NPAS3: variants seen among roughly 807,000 people sequenced by gnomAD.
NPAS3 encodes neuronal PAS domain-containing protein 3.
A neutral mutation model predicts 73.1 loss-of-function variants in NPAS3; 14 were observed. The ratio of observed to expected loss-of-function variants is 0.19; its 90% CI spans 0.13 to 0.30. The LOEUF is 0.30. NPAS3 is among the 10% of genes least tolerant of loss of function. The pLI is 1.00. For synonymous variants in NPAS3, 620 were observed against 541.5 expected (o/e 1.14, Z -2.01); for missense variants, 1,096 against 1,250.0 (o/e 0.88, Z 1.86).
At chr14:33,173,919 G>A (rs1421053141) in intron 2 of NPAS3, among the ~76,000 whole-genome samples, 1 of 152,176 alleles carries the variant, frequency 6.6e-6, no homozygotes. Context: ...ATTGGGAAAT[G>A]CTTTTTGATG....
At chr14:33,345,560 C>G (rs1447319635) in intron 3 of NPAS3, among the ~76,000 whole-genome samples, 3 of 152,180 alleles carry the variant, frequency 2.0e-5, no homozygotes, top group African/African-American at 7.2e-5. Context: ...GTATCTTTTA[C>G]TTTAGAGTGC....
intron 2 of NPAS3, among the ~76,000 whole-genome samples, chr14:33,148,977 C>T (rs1002921102): frequency 3.9e-5 from 6 of 152,010 alleles, no homozygotes; most frequent in Admixed American, 6.6e-5. Context: ...GGATACCCCG[C>T]GAGCCACCGG....
At chr14:32,959,942 A>T (rs1182135521) in intron 1 of NPAS3, among the ~76,000 whole-genome samples, 1 of 151,698 alleles carries the variant, frequency 6.6e-6, no homozygotes, top group South Asian at 2.1e-4. Context: ...CGTAAGAGAC[A>T]CGTGATATCT....
At chr14:33,636,965 A>C (rs2058538831) in intron 5 of NPAS3, among the ~76,000 whole-genome samples, 1 of 152,014 alleles carries the variant, frequency 6.6e-6, no homozygotes, top group Non-Finnish European at 1.5e-5. Context: ...GAATTGGTCT[A>C]TCTGCTCTTC....
chr14:33,145,360 G>A (rs1368212005), intron 2 of NPAS3, among the ~76,000 whole-genome samples: 1 of 152,178 alleles, frequency 6.6e-6, no homozygotes, highest in Non-Finnish European at 1.5e-5. Flanking sequence ...AAGTTAGAAA[G>A]TTACAAAATC....
intron 3 of NPAS3, among the ~76,000 whole-genome samples, chr14:33,249,460 T>C (rs2048503485): frequency 6.6e-6 from 1 of 152,104 alleles, no homozygotes; most frequent in African/African-American, 2.4e-5. Context: ...ATTAGAATTA[T>C]GTGCCATTTT....
At chr14:33,008,897 C>A (rs529816444) in intron 1 of NPAS3, among the ~76,000 whole-genome samples, 9 of 152,216 alleles carry the variant, frequency 5.9e-5, no homozygotes, top group African/African-American at 2.2e-4. Flanking sequence ...GAATTTATAC[C>A]TGTGCTTGTG....
intron 2 of NPAS3, among the ~76,000 whole-genome samples, chr14:33,098,428 A>G (rs1390890292): frequency 6.6e-6 from 1 of 152,196 alleles, no homozygotes; most frequent in African/African-American, 2.4e-5. Flanking sequence ...AATACCATAT[A>G]TTGATTACCT....
intron 5 of NPAS3, among the ~76,000 whole-genome samples, chr14:33,591,514 C>T (rs563963418): frequency 9.2e-5 from 14 of 152,304 alleles, no homozygotes; most frequent in Admixed American, 9.2e-4. Context: ...TGACTACCAT[C>T]CAACCCCTAA....
At chr14:32,957,473 G>A (rs1490474420) in intron 1 of NPAS3, among the ~76,000 whole-genome samples, 5 of 151,072 alleles carry the variant, frequency 3.3e-5, no homozygotes, top group Admixed American at 6.6e-5. Context: ...CTGGGTTCAC[G>A]CCATTCTCCT....
At chr14:33,703,234 T>A (rs957601233) in intron 6 of NPAS3, among the ~76,000 whole-genome samples, 2 of 152,070 alleles carry the variant, frequency 1.3e-5, no homozygotes, top group Admixed American at 1.3e-4. Context: ...ATTCCCATGA[T>A]CCAATCACTT....
chr14:33,801,974 T>C (rs2063724817), downstream of NPAS3: 1 of 152,082 alleles, frequency 6.6e-6, no homozygotes, highest in Admixed American at 6.5e-5. Flanking sequence ...ATTTTTTACC[T>C]CCCAACTAAC....
At chr14:33,138,636 T>A (rs1227058416) in intron 2 of NPAS3, among the ~76,000 whole-genome samples, 1 of 152,152 alleles carries the variant, frequency 6.6e-6, no homozygotes, top group Non-Finnish European at 1.5e-5. Context: ...TCCAACAATT[T>A]TTTCCATCAA....
At chr14:33,232,250 G>T (rs991154878) in intron 3 of NPAS3, among the ~76,000 whole-genome samples, 10 of 152,130 alleles carry the variant, frequency 6.6e-5, no homozygotes, top group African/African-American at 1.7e-4. Flanking sequence ...AAGTTGCTGG[G>T]CCAGCGTGGA....
At chr14:33,375,483 T>G (rs2046274219) in intron 4 of NPAS3, among the ~76,000 whole-genome samples, 1 of 152,132 alleles carries the variant, frequency 6.6e-6, no homozygotes, top group African/African-American at 2.4e-5. Flanking sequence ...TTGCACGGCT[T>G]TTAAGTTCAC....
At chr14:33,539,298 A>G (rs2054399397) in intron 4 of NPAS3, among the ~76,000 whole-genome samples, 1 of 152,062 alleles carries the variant, frequency 6.6e-6, no homozygotes, top group African/African-American at 2.4e-5. Flanking sequence ...GATTTTTTCA[A>G]TCACCACTGA....
intron 4 of NPAS3, among the ~76,000 whole-genome samples, chr14:33,437,646 A>T (rs907906077): frequency 6.6e-6 from 1 of 152,216 alleles, no homozygotes; most frequent in African/African-American, 2.4e-5. Context: ...GGGTTGAATA[A>T]TAGAAAAGAA....
At chr14:33,764,833 T>C (rs975763130) in intron 7 of NPAS3, among the ~76,000 whole-genome samples, 2 of 152,248 alleles carry the variant, frequency 1.3e-5, no homozygotes, top group African/African-American at 4.8e-5. Context: ...AAATGAAATT[T>C]GATCAGATGT....
rs569283129 is a variant in NPAS3, at chr14:33,314,016, T to C, written c.386-53170T>C. ...TTTTTCTTCCTGTTGATTTATGTTA[T>C]TTGGATGTTTTCTGCCTTTTAAAAA... On this transcript the variant is annotated intron_variant, in intron 3 of 11. Coordinates refer to ENST00000356141, the Ensembl canonical transcript of NPAS3. Among the ~76,000 whole-genome samples the C allele has an allele frequency of 4.6e-5, 7 of 152,224 alleles. No homozygotes were observed. In the South Asian group the frequency reaches 1.0e-3, roughly 23 times the overall value.
Sources: gnomAD v4.1 joint callset for allele counts (sites outside exome capture counted in the v4.1 genomes callset) on GRCh38, gnomAD v4.1.1 for gene constraint, MANE v1.5 for transcripts, NCBI Gene and HGNC (gene_info 2026-07-23, HGNC 2026-07-21) for gene names.